Variants in SGMS1 observed in about 807,000 individuals in gnomAD.
The protein encoded by SGMS1 is sphingomyelin synthase 1.
A neutral mutation model predicts 46.2 loss-of-function variants in SGMS1; 13 were observed. That is an observed-to-expected ratio of 0.28 (90% CI 0.18 to 0.45). The LOEUF is 0.45. SGMS1 is among the 20% of genes least tolerant of loss of function. SGMS1 has a pLI of 1.00. For synonymous variants in SGMS1, 203 were observed against 187.8 expected (o/e 1.08, Z -0.66); for missense variants, 324 against 519.9 (o/e 0.62, Z 3.66).
chr10:50,523,375 G>C (rs886356973), intron 2 of SGMS1, among the ~76,000 whole-genome samples: 1 of 152,144 alleles, frequency 6.6e-6, no homozygotes, highest in African/African-American at 2.4e-5. Context: ...TCTTACAAAT[G>C]TATGTGCTTA....
At position 50,478,071 on chromosome 10, in the gene SGMS1, G is replaced by A. The variant is rs964401168; in HGVS notation, c.-497-11139C>T. 7.9e-5 allele frequency among the ~76,000 whole-genome samples: 12 copies of A among 152,308 alleles called. No homozygotes were observed. The South Asian group carries it at 2.1e-3, about 26-fold the overall frequency. On this transcript the variant is annotated intron_variant, in intron 3 of 10. Coordinates refer to ENST00000361781, the MANE Select transcript of SGMS1 (RefSeq NM_147156.4). ...GCAAGTTACATTCCCAGTCTGTTACGTACATCAGTGGGTAACAACTGATGG... is the reference window on the plus strand; with the variant it reads ...GCAAGTTACATTCCCAGTCTGTTACATACATCAGTGGGTAACAACTGATGG...
chr10:50,310,700 G>T (rs1296014106), intron 9 of SGMS1, among the ~76,000 whole-genome samples: 1 of 152,144 alleles, frequency 6.6e-6, no homozygotes, highest in Non-Finnish European at 1.5e-5. Flanking sequence ...AGCCATGTAT[G>T]CGGTATTTAT....
chr10:50,314,794 G>T (rs1055769891), intron 8 of SGMS1, among the ~76,000 whole-genome samples: 1 of 152,102 alleles, frequency 6.6e-6, no homozygotes, highest in African/African-American at 2.4e-5. Flanking sequence ...GGTGGCATGT[G>T]CCTGTAGTCC....
intron 2 of SGMS1, among the ~76,000 whole-genome samples, chr10:50,566,891 C>T (rs185392854): frequency 6.6e-6 from 1 of 152,232 alleles, no homozygotes; most frequent in African/African-American, 2.4e-5. Context: ...AACGAAAATG[C>T]TTTGTAAATA....
At chr10:50,393,989 T>C (rs1848809931) in intron 6 of SGMS1, among the ~76,000 whole-genome samples, 1 of 152,038 alleles carries the variant, frequency 6.6e-6, no homozygotes, top group Admixed American at 6.6e-5. Context: ...GCCAAGTGAG[T>C]CATATATCCT....
chr10:50,609,234 G>C (rs967642912), intron 1 of SGMS1, among the ~76,000 whole-genome samples: 1 of 152,162 alleles, frequency 6.6e-6, no homozygotes, highest in Non-Finnish European at 1.5e-5. Flanking sequence ...GCCTCCCAAA[G>C]TGCTGGGATT....
In SGMS1 at chr10:50,404,875, A is replaced by G. The variant is rs373737880; in HGVS notation, c.-232+28601T>C. Among the ~76,000 whole-genome samples, 17 of 152,354 alleles carry G rather than the reference A, an allele frequency of 1.1e-4. No individual in the cohort carries two copies. In the East Asian group the frequency reaches 1.2e-3, roughly 10 times the overall value. On this transcript the variant is annotated intron_variant, in intron 6 of 10. Transcript: ENST00000361781. The stretch of plus-strand genomic sequence containing the variant: ...ATACACCCATAAAATAAAATATTGT[A>G]CCATCATTAAAGTGAATAAAGAAGA...
At chr10:50,620,036 C>A (rs1838834547) in intron 1 of SGMS1, among the ~76,000 whole-genome samples, 1 of 152,216 alleles carries the variant, frequency 6.6e-6, no homozygotes, top group African/African-American at 2.4e-5. Flanking sequence ...CAAAGCATTC[C>A]AGCAGGGCCT....
chr10:50,585,719 C>T (rs540802010), intron 2 of SGMS1, among the ~76,000 whole-genome samples: 1 of 152,210 alleles, frequency 6.6e-6, no homozygotes, highest in African/African-American at 2.4e-5. Flanking sequence ...TTTTACTATA[C>T]TTGATCTTAG....
At chr10:50,586,413 T>C (rs1197409102) in intron 2 of SGMS1, among the ~76,000 whole-genome samples, 1 of 152,266 alleles carries the variant, frequency 6.6e-6, no homozygotes, top group Non-Finnish European at 1.5e-5. Context: ...CTTCCGGGGA[T>C]GTGGCCCACT....
At chr10:50,619,535 G>C (rs1008522548) in intron 1 of SGMS1, among the ~76,000 whole-genome samples, 1 of 152,196 alleles carries the variant, frequency 6.6e-6, no homozygotes, top group East Asian at 1.9e-4. Context: ...GGGGAGAGGG[G>C]CCTGGGGGGT....
chr10:50,595,837 G>C (rs1004932966), intron 1 of SGMS1, among the ~76,000 whole-genome samples: 2 of 152,322 alleles, frequency 1.3e-5, no homozygotes, highest in African/African-American at 4.8e-5. Context: ...GACTGAGGCA[G>C]AGTGGGTGCC....
At chr10:50,600,029 C>G (rs899273339) in intron 1 of SGMS1, among the ~76,000 whole-genome samples, 1 of 152,168 alleles carries the variant, frequency 6.6e-6, no homozygotes, top group African/African-American at 2.4e-5. Context: ...GACACTATTT[C>G]ACATGCTTCA....
At chr10:50,558,863 T>C (rs575233549) in intron 2 of SGMS1, among the ~76,000 whole-genome samples, 29 of 152,324 alleles carry the variant, frequency 1.9e-4, no homozygotes, top group African/African-American at 7.0e-4. Context: ...ATATGTAATA[T>C]GGATAATATA....
chr10:50,411,974 T>C (rs1387154000), intron 6 of SGMS1, among the ~76,000 whole-genome samples: 1 of 152,208 alleles, frequency 6.6e-6, no homozygotes, highest in Admixed American at 6.5e-5. Flanking sequence ...TAGTAATTTC[T>C]GAGAAGTATG....
At chr10:50,520,408 A>G (rs1837847436) in intron 2 of SGMS1, among the ~76,000 whole-genome samples, 1 of 152,196 alleles carries the variant, frequency 6.6e-6, no homozygotes, top group South Asian at 2.1e-4. Context: ...ATGTCTTATT[A>G]ACAGTAACTT....
chr10:50,428,922 C>T (rs949892975), intron 6 of SGMS1, among the ~76,000 whole-genome samples: 2 of 152,192 alleles, frequency 1.3e-5, no homozygotes, highest in Non-Finnish European at 1.5e-5. Flanking sequence ...CTGAGCCCAC[C>T]TTAAACATGC....
At chr10:50,533,600 G>A (rs1038060973) in intron 2 of SGMS1, among the ~76,000 whole-genome samples, 1 of 151,988 alleles carries the variant, frequency 6.6e-6, no homozygotes, top group Non-Finnish European at 1.5e-5. Flanking sequence ...GTTTACATAC[G>A]ATGTTTTGCT....
At chr10:50,536,785 T>C (rs1838005972) in intron 2 of SGMS1, among the ~76,000 whole-genome samples, 1 of 152,238 alleles carries the variant, frequency 6.6e-6, no homozygotes, top group Non-Finnish European at 1.5e-5. Context: ...AAAAACATGC[T>C]ATAATCATTG....
Sources: gnomAD v4.1 joint callset for allele counts (sites outside exome capture counted in the v4.1 genomes callset) on GRCh38, gnomAD v4.1.1 for gene constraint, MANE v1.5 for transcripts, NCBI Gene and HGNC (gene_info 2026-07-23, HGNC 2026-07-21) for gene names.